The following HMCN2 variants were observed in gnomAD, a reference collection of about 807,000 sequenced individuals.
HMCN2 encodes the protein hemicentin-2.
In HMCN2, 325 loss-of-function variants were observed where a neutral mutation model predicts 377.5. The ratio of observed to expected loss-of-function variants is 0.86; its 90% CI spans 0.79 to 0.94. The LOEUF is 0.94. HMCN2 is among the 40% of genes least tolerant of loss of function. HMCN2 has a pLI of 0.00. For synonymous variants in HMCN2, 2,007 were observed against 2,046.8 expected, an observed-to-expected ratio of 0.98 and a Z score of 0.53; for missense variants, 4,543 against 4,725.3, an observed-to-expected ratio of 0.96 and a Z score of 1.13.
rs1283416056 is a variant in HMCN2 at position 130,403,197 on chromosome 9, C to T, written c.11882C>T (p.Ser3961Phe). Residue 3961 changes from serine (S) to phenylalanine (F), a missense_variant, in exon 79 of 98, where the codon TCC becomes TTC. Ser to Phe is a radical substitution (Grantham distance 155). Coordinates refer to ENST00000683500, the MANE Select transcript of HMCN2 (RefSeq NM_001291815.2). ...TCTGCACCCCCGTCCTTTGTAGCCT[C>T]CCCGGTGGTGAAGCCGCTGCCCAGC... ...HKHVFLTVQA[S>F]PVVKPLPSVV... 23 of 1,289,044 alleles carry T rather than the reference C, an allele frequency of 1.8e-5. No homozygotes were observed. Among genetic ancestry groups the T allele is most frequent in the Non-Finnish European group, 2.3e-5 (23 of 988,470 alleles). 79.9% of individuals were successfully genotyped at this position (1,289,044 alleles called of 1,614,324 possible).
Position 130,351,471 on chromosome 9 carries a change from G to C in HMCN2, c.4479G>C (p.Gln1493His), listed in dbSNP as rs746100359. The change falls in exon 30 of 98, where the codon CAG becomes CAC. Residue 1493 changes from glutamine (Q) to histidine (H), a missense_variant. Transcript: ENST00000683500. This position sits in a 1 kb window ranked among gnomAD's most constrained non-coding sequence, Gnocchi z 5.4. ...ACCTGCAGGTCCAGGAGGATGGCCA[G>C]GTTCTCAGGATCACCGGCAGTCACG... ...GPHLQVQEDG[Q>H]VLRITGSHVG... 177 of 1,304,192 alleles carry C rather than the reference G, an allele frequency of 1.4e-4. No homozygotes were observed. Among genetic ancestry groups the C allele is most frequent in the Non-Finnish European group, 1.7e-4 (171 of 988,962 alleles). 80.8% of individuals were successfully genotyped at this position (1,304,192 alleles called of 1,614,324 possible). A position where few individuals can be genotyped will look rare whatever the true frequency, so the allele number is the denominator to read the frequency against.
At chr9:130,285,525 C>T (rs1338803733) in intron 3 of HMCN2, among the ~76,000 whole-genome samples, 1 of 152,238 alleles carries the variant, frequency 6.6e-6, no homozygotes, top group Non-Finnish European at 1.5e-5. Context: ...GCTGTAGGCC[C>T]AGGCCAGGGC....
At chr9:130,365,530 GC>G (rs762650773) in intron 41 of HMCN2, 100 bp from the exon 42 acceptor site, 20 of 473,982 alleles carry the variant, frequency 4.2e-5, no homozygotes, top group Non-Finnish European at 5.2e-5. Flanking sequence ...CAGCTTGGGG[GC>G]TCAGCAAGGT....
chr9:130,383,964 G>A (rs910675322), intron 57 of HMCN2, among the ~76,000 whole-genome samples: 1 of 151,922 alleles, frequency 6.6e-6, no homozygotes, highest in African/African-American at 2.4e-5. Flanking sequence ...CCCTCAGAGA[G>A]GAGTGGGATT....
Position 130,407,668 on chromosome 9 carries a change from G to T in HMCN2, c.12651G>T (p.Val4217=), listed in dbSNP as rs1843174379. The T allele has an allele frequency of 7.9e-7, 1 of 1,268,148 alleles. No homozygotes were observed. The highest frequency in any genetic ancestry group is 2.4e-5 in the Admixed American group (1 of 41,238). The allele number at this position is 1,268,148 out of a possible 1,614,324, so 78.6% of individuals were successfully genotyped here. A position where few individuals can be genotyped will look rare whatever the true frequency, so the allele number is the denominator to read the frequency against. ...GTYVCWAENR[V]GRTQAVSFVH... is the part of the protein sequence containing the mutation. Reference sequence around the variant, plus strand: ...ATGTCTGCTGGGCGGAGAACAGAGTGGGCCGCACGCAGGCGGTCAGCTTCG... The same window carrying T: ...ATGTCTGCTGGGCGGAGAACAGAGTTGGCCGCACGCAGGCGGTCAGCTTCG... The change falls in exon 83 of 98, where the codon GTG becomes GTT. Residue 4217 remains valine, a synonymous_variant. Coordinates refer to ENST00000683500, the MANE Select transcript of HMCN2 (RefSeq NM_001291815.2).
chr9:130,373,159 G>A lies in HMCN2; in HGVS notation c.7438+35G>A, dbSNP rs531382335. On this transcript the variant is annotated intron_variant, in intron 48 of 97. Transcript: ENST00000683500. ...ACATGATGTGATGGGCTGGGAGAAGGGGCGGGAAGGCACCTTCAGAAAGGA... is the reference window on the plus strand; with the variant it reads ...ACATGATGTGATGGGCTGGGAGAAGAGGCGGGAAGGCACCTTCAGAAAGGA... 21 of 866,304 alleles carry A rather than the reference G, an allele frequency of 2.4e-5. No individual in the cohort carries two copies. The African/African-American group carries it at 3.3e-4, about 13-fold the overall frequency. The allele number at this position is 866,304 out of a possible 1,614,324, so 53.7% of individuals were successfully genotyped here.
chr9:130,400,607 C>G, intron 76 of HMCN2, 176 bp from the exon 77 acceptor site: 1 of 264,872 alleles, frequency 3.8e-6, no homozygotes. Context: ...AAACTATAGC[C>G]CCGTGCCCAG....
chr9:130,334,967 G>C (rs1170499748), intron 22 of HMCN2, among the ~76,000 whole-genome samples: 1 of 152,010 alleles, frequency 6.6e-6, no homozygotes, highest in Non-Finnish European at 1.5e-5. Context: ...CTCTCAATTA[G>C]CTGGGACCAC....
chr9:130,275,200 C>T (rs1352227483), intron 1 of HMCN2, among the ~76,000 whole-genome samples: 2 of 152,148 alleles, frequency 1.3e-5, no homozygotes, highest in African/African-American at 4.8e-5. Context: ...ATTCATTGAT[C>T]GTTGGTGACC....
rs1380352970 is a variant in HMCN2, at chr9:130,369,619, G to A, written c.6837G>A (p.Val2279=). The change falls in exon 45 of 98, where the codon GTG becomes GTA. Residue 2279 remains valine (V), a synonymous_variant. Coordinates refer to ENST00000683500, the MANE Select transcript of HMCN2 (RefSeq NM_001291815.2). This position sits in a 1 kb window ranked among gnomAD's most constrained non-coding sequence, Gnocchi z 4.5. ...GGGAGCCTCCCACACAAGTCTCTGTGGTCCAGGATGGAGTGGCCACTCTGG... is the reference window on the plus strand; with the variant it reads ...GGGAGCCTCCCACACAAGTCTCTGTAGTCCAGGATGGAGTGGCCACTCTGG... The part of the protein sequence containing the change: ...GPREPPTQVS[V]VQDGVATLEC... 3.0e-6 allele frequency: 3 copies of A among 985,750 alleles called. No homozygotes were observed. Among genetic ancestry groups the A allele is most frequent in the African/African-American group, 3.5e-5 (2 of 57,232 alleles). 61.1% of individuals were successfully genotyped at this position (985,750 alleles called of 1,614,324 possible).
At chr9:130,398,080 G>C (rs957134225) in intron 74 of HMCN2, among the ~76,000 whole-genome samples, 5 of 137,696 alleles carry the variant, frequency 3.6e-5, no homozygotes, top group Non-Finnish European at 7.5e-5. Flanking sequence ...TTGAGCCCGG[G>C]AGTTTCAGGC....
Position 130,304,976 on chromosome 9 carries a change from G to C in HMCN2, c.1790G>C (p.Arg597Thr), listed in dbSNP as rs1415709056. 4.2e-6 allele frequency: 2 copies of C among 470,886 alleles called. No individual in the cohort carries two copies. The highest frequency in any genetic ancestry group is 8.8e-6 in the Non-Finnish European group (2 of 226,952). The allele number at this position is 470,886 out of a possible 1,614,324, so 29.2% of individuals were successfully genotyped here. ...CVASNANGVT[R>T]ASVWLLVREA... ...GCCAGCAATGCCAATGGGGTCACAAGGGCATCCGTCTGGCTCCTGGTGCGA... is the reference window on the plus strand; with the variant it reads ...GCCAGCAATGCCAATGGGGTCACAACGGCATCCGTCTGGCTCCTGGTGCGA... Residue 597 changes from arginine to threonine, a missense_variant, in exon 11 of 98, where the codon AGG becomes ACG. Transcript: ENST00000683500. This position sits in a 1 kb window ranked among gnomAD's most constrained non-coding sequence, Gnocchi z 4.3.
At chr9:130,282,429 A>C (rs1835170316) in intron 1 of HMCN2, among the ~76,000 whole-genome samples, 1 of 152,210 alleles carries the variant, frequency 6.6e-6, no homozygotes, top group East Asian at 1.9e-4. Context: ...AAAAAGGATA[A>C]AGGAAGGGTT....
chr9:130,424,705 G>C (rs1029561936), intron 87 of HMCN2, 71 bp from the exon 88 acceptor site: 8 of 1,426,508 alleles, frequency 5.6e-6, no homozygotes, highest in Non-Finnish European at 7.4e-6. Flanking sequence ...GAGCCATGAC[G>C]GGACCTTGAA....
chr9:130,431,115 G>T (rs1370318102), intron 95 of HMCN2: 8 of 567,692 alleles, frequency 1.4e-5, no homozygotes, highest in South Asian at 6.3e-5. Flanking sequence ...GGACGGAGGG[G>T]TCTGCGGGGT....
intron 6 of HMCN2, 127 bp downstream of exon 6, chr9:130,295,899 G>A: frequency 5.2e-6 from 2 of 386,700 alleles, no homozygotes; most frequent in South Asian, 3.9e-5. Flanking sequence ...TGGTGATGTG[G>A]TCGTATCAAT....
chr9:130,355,640 G>C, intron 32 of HMCN2, 106 bp from the exon 33 acceptor site: 2 of 577,062 alleles, frequency 3.5e-6, no homozygotes, highest in South Asian at 3.0e-5. Flanking sequence ...GGAGACGTGA[G>C]GGTGAGGTGC....
At chr9:130,296,377 G>A (rs1836151360) in intron 6 of HMCN2, among the ~76,000 whole-genome samples, 1 of 152,248 alleles carries the variant, frequency 6.6e-6, no homozygotes, top group Non-Finnish European at 1.5e-5. Context: ...GGGAGGGCAA[G>A]GCAGGGAGTT....
intron 85 of HMCN2, among the ~76,000 whole-genome samples, chr9:130,411,094 C>A (rs1843383072): frequency 6.6e-6 from 1 of 152,086 alleles, no homozygotes; most frequent in South Asian, 2.1e-4. Context: ...TGCGAACCCA[C>A]CCAGTTAACC....
Sources: gnomAD v4.1 joint callset for allele counts (sites outside exome capture counted in the v4.1 genomes callset) on GRCh38, gnomAD v4.1.1 for gene constraint, Gnocchi (gnomAD v3.1) non-coding constraint, MANE v1.5 for transcripts, NCBI Gene and HGNC (gene_info 2026-07-23, HGNC 2026-07-21) for gene names.